The following PIAS2 variants were observed in gnomAD, a reference collection of about 807,000 sequenced individuals.
The protein encoded by PIAS2 is E3 SUMO-protein ligase PIAS2.
In PIAS2, 19 loss-of-function variants were observed where a neutral mutation model predicts 69.7. The observed-to-expected ratio is 0.27, with a 90% CI of 0.19 to 0.40. PIAS2 has a LOEUF of 0.40. Ranked by LOEUF, PIAS2 falls within the 10% of genes least tolerant of loss-of-function variation. The pLI, the probability that PIAS2 is intolerant of heterozygous loss-of-function variation, is 1.00. For synonymous variants in PIAS2, 261 were observed against 263.2 expected (o/e 0.99, Z 0.08); for missense variants, 624 against 757.0 (o/e 0.82, Z 2.06).
intron 8 of PIAS2, among the ~76,000 whole-genome samples, chr18:46,837,562 C>T (rs755414319): frequency 6.6e-6 from 1 of 151,984 alleles, no homozygotes; most frequent in Non-Finnish European, 1.5e-5. Flanking sequence ...TATAAGAAAT[C>T]GTGTGTAATA....
intron 1 of PIAS2, chr18:46,907,409 G>A (rs1270464222): frequency 3.3e-5 from 5 of 152,110 alleles, no homozygotes; most frequent in Non-Finnish European, 7.4e-5. Flanking sequence ...GGTAGACAAG[G>A]ATATGGAGCA....
At chr18:46,816,757 C>T (rs532566697) in intron 12 of PIAS2, 18 of 978,402 alleles carry the variant, frequency 1.8e-5, no homozygotes, top group East Asian at 1.1e-4. Flanking sequence ...CATAAGCCAC[C>T]GCACCCAGCT....
rs898283625 is a variant in PIAS2, at chr18:46,806,995, C to T, written c.*5438G>A. On this transcript the variant is annotated 3_prime_UTR_variant, in exon 14 of 14. Transcript: ENST00000585916. The stretch of plus-strand genomic sequence containing the variant: ...CTGTTTTTTTCTTTCCCTGCAGCTA[C>T]CCTTATTGGAAACATAAGGGAATAT... 5 of 151,996 alleles carry T rather than the reference C, an allele frequency of 3.3e-5. No homozygotes were observed. The highest frequency in any genetic ancestry group is 1.2e-4 in the African/African-American group (5 of 41,384). The allele number at this position is 151,996 out of a possible 1,614,324, so 9.4% of individuals were successfully genotyped here. A position where few individuals can be genotyped will look rare whatever the true frequency, so the allele number is the denominator to read the frequency against.
At position 46,846,763 on chromosome 18, in the gene PIAS2, A is replaced by G. The variant is rs1300905917; in HGVS notation, c.805T>C (p.Leu269=). ...ATTTGGTTTGGCACAGCTGAAGATAACCTAACTAAAGATGTAATATTCAAG... is the reference window on the plus strand; with the variant it reads ...ATTTGGTTTGGCACAGCTGAAGATAGCCTAACTAAAGATGTAATATTCAAG... ...RPLNITSLVR[L]SSAVPNQISI... is the part of the protein sequence containing the mutation. Residue 269 remains leucine (L), a synonymous_variant, in exon 6 of 14, where the codon TTA becomes CTA. Transcript: ENST00000585916. 2.5e-6 allele frequency: 4 copies of G among 1,612,794 alleles called. No homozygotes were observed. Among genetic ancestry groups the G allele is most frequent in the Non-Finnish European group, 3.4e-6 (4 of 1,179,372 alleles).
At chr18:46,832,416 AAAACAAACAAAC>A (rs555137415) in intron 9 of PIAS2, among the ~76,000 whole-genome samples, 1 of 150,524 alleles carries the variant, frequency 6.6e-6, no homozygotes, top group East Asian at 2.0e-4. Flanking sequence ...ACTCCATCTC[AAAACAAACAAAC>A]AAACAAACAA....
At chr18:46,826,751 C>T (rs1477068878) in intron 11 of PIAS2, 1 of 152,092 alleles carries the variant, frequency 6.6e-6, no homozygotes, top group African/African-American at 2.4e-5. Context: ...CCACCTCATT[C>T]TAATTAAATG....
chr18:46,836,257 G>A, intron 9 of PIAS2, 100 bp downstream of exon 9: 1 of 856,358 alleles, frequency 1.2e-6, no homozygotes, highest in Non-Finnish European at 1.9e-6. Flanking sequence ...TGCTAGAGTA[G>A]AATTTATTTA....
At chr18:46,916,934 A>C (rs2058006726) in intron 1 of PIAS2, 2 of 985,552 alleles carry the variant, frequency 2.0e-6, no homozygotes, top group Non-Finnish European at 2.4e-6. Flanking sequence ...CAGACTTGTG[A>C]ATAGCCACAG....
chr18:46,886,799 C>T (rs1286427401), intron 2 of PIAS2, among the ~76,000 whole-genome samples: 1 of 152,250 alleles, frequency 6.6e-6, no homozygotes, highest in African/African-American at 2.4e-5. Context: ...GACAGCGCCA[C>T]CGCCCTCCAT....
intron 8 of PIAS2, among the ~76,000 whole-genome samples, chr18:46,840,971 CTTT>C (rs200294833): frequency 7.2e-6 from 1 of 139,464 alleles, no homozygotes; most frequent in African/African-American, 2.6e-5. Context: ...TTCAGCAGGA[CTTT>C]TTTTTTTTTT....
chr18:46,816,315 T>G lies in PIAS2; in HGVS notation c.1649-966A>C, dbSNP rs1261795806. The G allele has an allele frequency of 1.5e-5, 14 of 956,770 alleles. No individual in the cohort carries two copies. The East Asian group carries it at 1.3e-3, about 86-fold the overall frequency. 59.3% of individuals were successfully genotyped at this position (956,770 alleles called of 1,614,324 possible). A position where few individuals can be genotyped will look rare whatever the true frequency, so the allele number is the denominator to read the frequency against. ...AAAATATCTACTAACCAGTATGAAT[T>G]TATAACTCAAAAAATTTAAGTATAT... On this transcript the variant is annotated intron_variant, in intron 12 of 13. Coordinates refer to ENST00000585916, the MANE Select transcript of PIAS2 (RefSeq NM_004671.5).
chr18:46,887,174 C>T (rs545599906), intron 2 of PIAS2, among the ~76,000 whole-genome samples: 19 of 150,022 alleles, frequency 1.3e-4, no homozygotes, highest in African/African-American at 4.7e-4. Flanking sequence ...TCAAAGTGAA[C>T]GTAATAAAGA....
chr18:46,808,174 A>T lies in PIAS2; in HGVS notation c.*4259T>A, dbSNP rs985514962. The T allele has an allele frequency of 6.6e-6, 1 of 152,240 alleles. No individual in the cohort carries two copies. Among genetic ancestry groups the T allele is most frequent in the African/African-American group, 2.4e-5 (1 of 41,474 alleles). 9.4% of individuals were successfully genotyped at this position (152,240 alleles called of 1,614,324 possible). The stretch of plus-strand genomic sequence containing the variant: ...GTAGGTTGCGGGGAAAAACCCCAAG[A>T]TATAAATTACACTGAGAATGATGAA... On this transcript the variant is annotated 3_prime_UTR_variant, in exon 14 of 14. Coordinates refer to ENST00000585916, the MANE Select transcript of PIAS2 (RefSeq NM_004671.5).
rs1273319877 is a variant in PIAS2 at position 46,836,486 on chromosome 18, C to T, written c.1073G>A (p.Arg358His). ...LGKMRLTIPC[R>H]AVTCTHLQCF... is the part of the protein sequence containing the mutation. The stretch of plus-strand genomic sequence containing the variant: ...CTGCAGATGTGTACAAGTCACTGCA[C>T]GGCATGGGATTGTCAGCCTCATTTT... The change falls in exon 9 of 14, where the codon CGT becomes CAT. Residue 358 changes from arginine (R) to histidine (H), a missense_variant. By Grantham distance (29) the Arg-to-His change is conservative. Transcript: ENST00000585916. 2.5e-6 allele frequency: 4 copies of T among 1,613,130 alleles called. No homozygotes were observed. Among genetic ancestry groups the T allele is most frequent in the Non-Finnish European group, 2.5e-6 (3 of 1,179,390 alleles).
At chr18:46,887,881 A>G (rs1342132513) in intron 2 of PIAS2, among the ~76,000 whole-genome samples, 1 of 152,238 alleles carries the variant, frequency 6.6e-6, no homozygotes, top group African/African-American at 2.4e-5. Flanking sequence ...CTAAGCAAGA[A>G]AAAGAAATAA....
chr18:46,917,615 ACAGCGCCCGCCCGCGCCTGCCC>A, upstream of PIAS2: 1 of 963,072 alleles, frequency 1.0e-6, no homozygotes, highest in Non-Finnish European at 1.2e-6. Context: ...CCGCGCGGCG[ACAGCGCCCGCCCGCGCCTGCCC>A]CGGCGTGCTG....
intron 2 of PIAS2, among the ~76,000 whole-genome samples, chr18:46,881,225 C>T (rs1236578082): frequency 7.9e-5 from 12 of 152,144 alleles, no homozygotes; most frequent in Admixed American, 7.9e-4. Flanking sequence ...CTCTGAACGA[C>T]CCCAGGCTCT....
At chr18:46,860,794 C>T (rs1190909882) in intron 3 of PIAS2, among the ~76,000 whole-genome samples, 2 of 152,054 alleles carry the variant, frequency 1.3e-5, no homozygotes, top group African/African-American at 4.8e-5. Context: ...CGAGGCAATA[C>T]TGTGAGACCC....
In PIAS2 at chr18:46,873,138, G is replaced by C. The variant is rs182651692; in HGVS notation, c.500-8890C>G. ...AACAAAAGCAGGAAGCTAACCTTTG[G>C]GGGAAACTTGGTGGTGACCACACCC... On this transcript the variant is annotated intron_variant, in intron 2 of 13. Coordinates refer to ENST00000585916, the MANE Select transcript of PIAS2 (RefSeq NM_004671.5). Among the ~76,000 whole-genome samples, 637 of 152,262 alleles carry C rather than the reference G, an allele frequency of 4.2e-3. 2 individuals carry two copies. The highest frequency in any genetic ancestry group is 0.015 in the African/African-American group (604 of 41,540).
Sources: gnomAD v4.1 joint callset for allele counts (sites outside exome capture counted in the v4.1 genomes callset) on GRCh38, gnomAD v4.1.1 for gene constraint, MANE v1.5 for transcripts, NCBI Gene and HGNC (gene_info 2026-07-23, HGNC 2026-07-21) for gene names.